LRP8: variants seen among roughly 807,000 people sequenced by gnomAD.
The protein encoded by LRP8 is low-density lipoprotein receptor-related protein 8.
In LRP8, 46 loss-of-function variants were observed where a neutral mutation model predicts 111.6. The ratio of observed to expected loss-of-function variants is 0.41; its 90% CI spans 0.33 to 0.53. The LOEUF (loss-of-function observed/expected upper bound fraction) is 0.53, where lower values mean the gene tolerates loss of function less well. Ranked by LOEUF, LRP8 falls within the 20% of genes least tolerant of loss-of-function variation. The pLI is 0.20. For synonymous variants in LRP8, 464 were observed against 511.2 expected, an observed-to-expected ratio of 0.91 and a Z score of 1.24; for missense variants, 959 against 1,297.4, an observed-to-expected ratio of 0.74 and a Z score of 4.01.
chr1:53,316,307 G>T (rs1315464345), intron 2 of LRP8, among the ~76,000 whole-genome samples: 1 of 152,006 alleles, frequency 6.6e-6, no homozygotes, highest in African/African-American at 2.4e-5. Flanking sequence ...AGTAGAGGCA[G>T]GCTGGGAATG....
intron 6 of LRP8, among the ~76,000 whole-genome samples, chr1:53,273,974 AAAC>A (rs1188898333): frequency 2.0e-5 from 3 of 151,540 alleles, no homozygotes; most frequent in African/African-American, 7.3e-5. Flanking sequence ...TAAAAACAAA[AAAC>A]AAAAAAAAAC....
In LRP8 at chr1:53,250,970, G is replaced by A; in HGVS notation, c.2504-108C>T. On this transcript the variant is annotated intron_variant, in intron 16 of 18. Coordinates refer to ENST00000306052, the MANE Select transcript of LRP8 (RefSeq NM_004631.5). This position sits in a 1 kb window ranked among gnomAD's most constrained non-coding sequence, Gnocchi z 4.6. ...CACTTTTACTACCCTTTGCTCCTCAGGCTCTGTTTCTGCATGTTCTTTTAC... is the reference window on the plus strand; with the variant it reads ...CACTTTTACTACCCTTTGCTCCTCAAGCTCTGTTTCTGCATGTTCTTTTAC... The A allele has an allele frequency of 2.2e-6, 2 of 894,484 alleles. No homozygotes were observed. Among genetic ancestry groups the A allele is most frequent in the Non-Finnish European group, 3.6e-6 (2 of 563,160 alleles). 55.4% of individuals were successfully genotyped at this position (894,484 alleles called of 1,614,324 possible).
At chr1:53,259,091 G>A (rs1009986036) in intron 13 of LRP8, among the ~76,000 whole-genome samples, 5 of 152,084 alleles carry the variant, frequency 3.3e-5, no homozygotes, top group African/African-American at 1.2e-4. Flanking sequence ...CAATTGTGAA[G>A]CCCTTCTACT....
In LRP8 at chr1:53,245,199, T is replaced by C. The variant is rs1390427233; in HGVS notation, c.*1819A>G. 6.6e-6 allele frequency: 1 copy of C among 152,202 alleles called. No individual in the cohort carries two copies. Among genetic ancestry groups the C allele is most frequent in the African/African-American group, 2.4e-5 (1 of 41,416 alleles). 9.4% of individuals were successfully genotyped at this position (152,202 alleles called of 1,614,324 possible). The stretch of plus-strand genomic sequence containing the variant: ...TGGTGAGACATCCAACTTCATTGAG[T>C]TGGGGGCATCTGGCAGGTAGGGATG... On this transcript the variant is annotated 3_prime_UTR_variant, in exon 19 of 19. Coordinates refer to ENST00000306052, the MANE Select transcript of LRP8 (RefSeq NM_004631.5).
At chr1:53,252,380 T>A (rs1310703069) in intron 16 of LRP8, among the ~76,000 whole-genome samples, 2 of 151,680 alleles carry the variant, frequency 1.3e-5, no homozygotes, top group Non-Finnish European at 2.9e-5. Flanking sequence ...AAAATTAATT[T>A]AAAAAATTAG....
chr1:53,258,888 A>G (rs1049388748), intron 13 of LRP8, among the ~76,000 whole-genome samples: 5 of 152,198 alleles, frequency 3.3e-5, no homozygotes, highest in Admixed American at 3.3e-4. Context: ...TATAAGTGAG[A>G]GCATATAGTT....
In LRP8 at chr1:53,271,330, C is replaced by T. The variant is rs552706538; in HGVS notation, c.1023G>A (p.Leu341=). The part of the protein sequence containing the change: ...AGCLQGLNEC[L]HNNGGCSHIC... ...TGTGTGAGCAGCCGCCATTGTTGTG[C>T]AGACACTCGTTCAGCCCTGGGGAGG... Residue 341 remains leucine, a synonymous_variant, in exon 7 of 19, where the codon CTG becomes CTA. Coordinates refer to ENST00000306052, the MANE Select transcript of LRP8 (RefSeq NM_004631.5). The T allele has an allele frequency of 6.2e-7, 1 of 1,614,046 alleles. No individual in the cohort carries two copies. The highest frequency in any genetic ancestry group is 8.5e-7 in the Non-Finnish European group (1 of 1,180,020).
intron 2 of LRP8, among the ~76,000 whole-genome samples, chr1:53,307,887 C>T (rs1652276335): frequency 6.6e-6 from 1 of 152,216 alleles, no homozygotes. Context: ...TCCCACTATA[C>T]CCAGGAGAGG....
At position 53,326,895 on chromosome 1, in the gene LRP8, G is replaced by T; in HGVS notation, c.222C>A (p.Asp74Glu). ...CACGGCAGTCGTCCTCGTCGCTGTG[G>T]TCTAAGCAGTCATCGTCCTCGTCGC... is the stretch of plus-strand genomic sequence containing the variant. ...WRCDEDDDCLDHSDEDDCPKK... is the reference protein window; with the variant it reads ...WRCDEDDDCLEHSDEDDCPKK... The change falls in exon 2 of 19, where the codon GAC becomes GAA. Residue 74 changes from aspartate to glutamate, a missense_variant. Transcript: ENST00000306052. 1 of 1,613,818 alleles carries T rather than the reference G, an allele frequency of 6.2e-7. No homozygotes were observed. The highest frequency in any genetic ancestry group is 8.5e-7 in the Non-Finnish European group (1 of 1,179,972).
Position 53,308,639 on chromosome 1 carries a change from G to A in LRP8, c.244+18234C>T, listed in dbSNP as rs550320947. The stretch of plus-strand genomic sequence containing the variant: ...GGGAAATCCCCCATCCTCACCGCCC[G>A]GACCTTGCCTGCTGATTCCCTGCTC... On this transcript the variant is annotated intron_variant, in intron 2 of 18. Coordinates refer to ENST00000306052, the MANE Select transcript of LRP8 (RefSeq NM_004631.5). 5.3e-5 allele frequency among the ~76,000 whole-genome samples: 8 copies of A among 152,272 alleles called. No individual in the cohort carries two copies. In the South Asian group the frequency reaches 1.5e-3, roughly 28 times the overall value.
intron 2 of LRP8, among the ~76,000 whole-genome samples, chr1:53,306,363 C>T (rs1000919966): frequency 6.6e-6 from 1 of 152,234 alleles, no homozygotes; most frequent in Non-Finnish European, 1.5e-5. Flanking sequence ...CTAGTGCTGT[C>T]TAGCTGGGTG....
At chr1:53,261,953 G>T in intron 12 of LRP8, 115 bp downstream of exon 12, 1 of 1,254,108 alleles carries the variant, frequency 8.0e-7, no homozygotes, top group Admixed American at 2.3e-5. Flanking sequence ...CAAATCAGTT[G>T]GTTTCCCTGT....
At chr1:53,261,860 G>A (rs1646351532) in intron 12 of LRP8, among the ~76,000 whole-genome samples, 1 of 152,204 alleles carries the variant, frequency 6.6e-6, no homozygotes, top group South Asian at 2.1e-4. Flanking sequence ...AGGGGTCTTG[G>A]GAAGAGAGCG....
Position 53,264,365 on chromosome 1 carries a change from C to T in LRP8, c.1459G>A (p.Glu487Lys), listed in dbSNP as rs780036467. 32 of 1,613,938 alleles carry T rather than the reference C, an allele frequency of 2.0e-5. No individual in the cohort carries two copies. The Admixed American group carries it at 4.8e-4, about 24-fold the overall frequency. Residue 487 changes from glutamate (E) to lysine (K), a missense_variant, in exon 10 of 19, where the codon GAG (glutamate) becomes AAG (lysine). Transcript: ENST00000306052. The part of the protein sequence containing the change: ...AYMDKASDPK[E>K]QEVLIDEQLH... ...TGCTCGTCAATGAGGACCTCCTGCT[C>T]TTTCGGGTCACTGGCCTTGTCCATG...
At chr1:53,258,244 A>G in intron 14 of LRP8, 75 bp downstream of exon 14, 1 of 1,459,262 alleles carries the variant, frequency 6.9e-7, no homozygotes, top group Non-Finnish European at 9.3e-7. Flanking sequence ...ACTGTGTCCC[A>G]GAAGCCAAGG....
rs1463372311 is a variant in LRP8, at chr1:53,276,957, G to A, written c.618C>T (p.Cys206=). The part of the protein sequence containing the change: ...SDERGCADPA[C]GPREFRCGGD... ...CGCCGCAGCGGAACTCGCGGGGCCC[G>A]CAGGCCGGGTCTGCACAGCCGCGCT... is the stretch of plus-strand genomic sequence containing the variant. Residue 206 remains cysteine (C), a synonymous_variant, in exon 5 of 19, where the codon TGC becomes TGT. Coordinates refer to ENST00000306052, the MANE Select transcript of LRP8 (RefSeq NM_004631.5). 19 of 1,477,484 alleles carry A rather than the reference G, an allele frequency of 1.3e-5. No homozygotes were observed. Among genetic ancestry groups the A allele is most frequent in the East Asian group, 8.7e-5 (3 of 34,464 alleles). 91.5% of individuals were successfully genotyped at this position (1,477,484 alleles called of 1,614,324 possible).
intron 14 of LRP8, chr1:53,257,885 A>G (rs1471032038): frequency 4.2e-6 from 1 of 235,336 alleles, no homozygotes; most frequent in Non-Finnish European, 8.4e-6. Context: ...AGATTAGGAC[A>G]TGAATCTGTG....
chr1:53,268,673 A>T (rs966581943), intron 8 of LRP8: 1 of 152,156 alleles, frequency 6.6e-6, no homozygotes, highest in African/African-American at 2.4e-5. Context: ...AGTTTTCTTA[A>T]ACATAACATG....
intron 2 of LRP8, among the ~76,000 whole-genome samples, chr1:53,324,533 A>G (rs1654899941): frequency 6.6e-6 from 1 of 152,206 alleles, no homozygotes; most frequent in South Asian, 2.1e-4. Context: ...AGAAAAGCCA[A>G]GCCATGTGTG....
Sources: allele counts gnomAD v4.1 joint callset (sites outside exome capture counted in the v4.1 genomes callset), GRCh38; gene constraint gnomAD v4.1.1; non-coding constraint Gnocchi (gnomAD v3.1); transcripts MANE v1.5; gene names NCBI Gene and HGNC (gene_info 2026-07-23, HGNC 2026-07-21).